Variants in BTBD9 observed in about 807,000 individuals in gnomAD.
The protein encoded by BTBD9 is BTB domain containing 9.
BTBD9 carries 49 observed loss-of-function variants against 64.3 expected under a neutral mutation model. That is an observed-to-expected ratio of 0.76 (90% CI 0.61 to 0.97). The LOEUF (loss-of-function observed/expected upper bound fraction) is 0.97. BTBD9 is among the 50% of genes least tolerant of loss of function. The pLI, the probability that BTBD9 is intolerant of heterozygous loss-of-function variation, is 0.00. For synonymous variants in BTBD9, 260 were observed against 274.7 expected (o/e 0.95, Z 0.53); for missense variants, 598 against 762.1 (o/e 0.78, Z 2.53).
chr6:38,237,308 G>C (rs988340488), intron 9 of BTBD9, among the ~76,000 whole-genome samples: 1 of 152,094 alleles, frequency 6.6e-6, no homozygotes, highest in Admixed American at 6.5e-5. Flanking sequence ...ACATAGAGAG[G>C]GGATCTATCA....
At chr6:38,530,035 G>A (rs1383234856) in intron 6 of BTBD9, among the ~76,000 whole-genome samples, 1 of 152,106 alleles carries the variant, frequency 6.6e-6, no homozygotes, top group Non-Finnish European at 1.5e-5. Flanking sequence ...TTAATACCCA[G>A]GGAAAGGAAT....
intron 7 of BTBD9, among the ~76,000 whole-genome samples, chr6:38,340,266 A>G (rs1400507736): frequency 6.6e-6 from 1 of 152,212 alleles, no homozygotes; most frequent in Admixed American, 6.5e-5. Context: ...TACAGTATCT[A>G]CACTGAGGTT....
At chr6:38,550,431 C>T (rs998065992) in intron 6 of BTBD9, among the ~76,000 whole-genome samples, 1 of 151,794 alleles carries the variant, frequency 6.6e-6, no homozygotes, top group Non-Finnish European at 1.5e-5. Context: ...ATTCTCCTGC[C>T]TCAGCCTCCC....
intron 7 of BTBD9, among the ~76,000 whole-genome samples, chr6:38,324,602 T>C (rs564519343): frequency 6.6e-6 from 1 of 152,214 alleles, no homozygotes; most frequent in East Asian, 1.9e-4. Context: ...ACAGCAGTAG[T>C]GGTGGTGAGA....
intron 6 of BTBD9, among the ~76,000 whole-genome samples, chr6:38,479,101 T>G (rs4236059): frequency 0.89 from 136,064 of 152,228 alleles, 61,296 homozygotes; most frequent in Non-Finnish European, 0.95. Context: ...AAATGGAAAC[T>G]ACAAGAACGC....
At chr6:38,275,046 C>G (rs1019284110) in intron 8 of BTBD9, among the ~76,000 whole-genome samples, 44 of 152,170 alleles carry the variant, frequency 2.9e-4, no homozygotes, top group Admixed American at 2.6e-4. Context: ...CCAAGTCAAT[C>G]CTAAGCCAAA....
intron 10 of BTBD9, among the ~76,000 whole-genome samples, chr6:38,179,001 T>G (rs879597961): frequency 1.6e-4 from 24 of 152,048 alleles, no homozygotes; most frequent in Non-Finnish European, 3.2e-4. Context: ...TACAGGCACG[T>G]GCCACCACAC....
intron 6 of BTBD9, among the ~76,000 whole-genome samples, chr6:38,530,555 G>A (rs1402192586): frequency 1.8e-5 from 2 of 108,286 alleles, no homozygotes; most frequent in African/African-American, 2.9e-5. Context: ...TTTCTCAGCT[G>A]GCCGACACTT....
chr6:38,175,111 C>T lies in BTBD9; in HGVS notation c.1713G>A (p.Ser571=), dbSNP rs554179069. The T allele has an allele frequency of 9.9e-6, 16 of 1,614,234 alleles. No homozygotes were observed. Among genetic ancestry groups the T allele is most frequent in the Middle Eastern group, 1.6e-4 (1 of 6,062 alleles). The stretch of plus-strand genomic sequence containing the variant: ...CGGCCAGGCTGGTGTCCCCTGTCCC[C>T]GATTCCTCACTATTTTCCTCCTTCT... ...SSQKEENSEE[S]GTGDTSLAGQ... is the part of the protein sequence containing the mutation. The change falls in exon 11 of 11, where the codon TCG becomes TCA. Residue 571 remains serine, a synonymous_variant. Transcript: ENST00000481247.
intron 9 of BTBD9, among the ~76,000 whole-genome samples, chr6:38,247,662 A>T (rs1274874303): frequency 6.6e-6 from 1 of 152,248 alleles, no homozygotes; most frequent in Non-Finnish European, 1.5e-5. Context: ...GGAAAGGCAG[A>T]AGAAAGTACT....
rs552980664 is a variant in BTBD9 at position 38,263,825 on chromosome 6, C to T, written c.1455-7309G>A. 3.9e-5 allele frequency among the ~76,000 whole-genome samples: 6 copies of T among 152,242 alleles called. No homozygotes were observed. In the South Asian group the frequency reaches 6.2e-4, roughly 16 times the overall value. ...ATCACTTAAATAAAGTTACCATTTG[C>T]GGCTTAACCTATCTTTACTTGGTTT... is the stretch of plus-strand genomic sequence containing the variant. On this transcript the variant is annotated intron_variant, in intron 8 of 10. Transcript: ENST00000481247.
chr6:38,434,517 G>A (rs536086816), intron 6 of BTBD9, among the ~76,000 whole-genome samples: 1 of 152,000 alleles, frequency 6.6e-6, no homozygotes, highest in South Asian at 2.1e-4. Flanking sequence ...GTATTTGATT[G>A]ATGTCTCCTG....
At chr6:38,368,475 T>C (rs1765279851) in intron 6 of BTBD9, among the ~76,000 whole-genome samples, 1 of 152,082 alleles carries the variant, frequency 6.6e-6, no homozygotes, top group East Asian at 1.9e-4. Flanking sequence ...GCTGGGATTA[T>C]AGGTGCCTGC....
Position 38,497,633 on chromosome 6 carries a change from G to A in BTBD9, c.1154+79967C>T, listed in dbSNP as rs564209609. 2.0e-5 allele frequency among the ~76,000 whole-genome samples: 3 copies of A among 152,188 alleles called. No homozygotes were observed. The South Asian group carries it at 6.2e-4, about 32-fold the overall frequency. ...AGAGAGCAGAAAAGATGAAAGGGAGGAAAAGAAAACTGAGAAGAATAAAGT... is the reference window on the plus strand; with the variant it reads ...AGAGAGCAGAAAAGATGAAAGGGAGAAAAAGAAAACTGAGAAGAATAAAGT... On this transcript the variant is annotated intron_variant, in intron 6 of 10. Coordinates refer to ENST00000481247, the MANE Select transcript of BTBD9 (RefSeq NM_001099272.2).
chr6:38,369,625 G>T (rs7750675), intron 6 of BTBD9, among the ~76,000 whole-genome samples: 4 of 152,230 alleles, frequency 2.6e-5, no homozygotes, highest in African/African-American at 4.8e-5. Flanking sequence ...AAAGATGTTT[G>T]TAATACTCAC....
chr6:38,175,019 G>A lies in BTBD9; in HGVS notation c.1805C>T (p.Ser602Phe). 1 of 1,614,092 alleles carries A rather than the reference G, an allele frequency of 6.2e-7. No homozygotes were observed. Among genetic ancestry groups the A allele is most frequent in the Non-Finnish European group, 8.5e-7 (1 of 1,180,030 alleles). Residue 602 changes from serine to phenylalanine, a missense_variant, in exon 11 of 11, where the codon TCC becomes TTC. Coordinates refer to ENST00000481247, the MANE Select transcript of BTBD9 (RefSeq NM_001099272.2). Reference protein sequence around the residue: ...SGSSLPSSPGSNSRSPNRQHQ With the variant: ...SGSSLPSSPGFNSRSPNRQHQ ...CTGCCGGTTGGGGGAGCGTGAGTTG[G>A]AGCCTGGGCTGGAGGGTAGTGAGCT...
At chr6:38,251,598 C>G (rs1050904309) in intron 9 of BTBD9, among the ~76,000 whole-genome samples, 20 of 152,100 alleles carry the variant, frequency 1.3e-4, no homozygotes, top group Admixed American at 1.2e-3. Flanking sequence ...TTTAAAACTT[C>G]TCAACTATAA....
intron 6 of BTBD9, among the ~76,000 whole-genome samples, chr6:38,387,228 T>C (rs1261768445): frequency 6.6e-6 from 1 of 152,218 alleles, no homozygotes; most frequent in Non-Finnish European, 1.5e-5. Context: ...GAGACTATAG[T>C]AAGTCTAGGA....
At chr6:38,637,485 T>A (rs1331721219) in intron 1 of BTBD9, among the ~76,000 whole-genome samples, 1 of 152,172 alleles carries the variant, frequency 6.6e-6, no homozygotes, top group Non-Finnish European at 1.5e-5. Flanking sequence ...TATTCTGAAA[T>A]CTCTTTGGTC....
Sources: gnomAD v4.1 joint callset for allele counts (sites outside exome capture counted in the v4.1 genomes callset) on GRCh38, gnomAD v4.1.1 for gene constraint, MANE v1.5 for transcripts, NCBI Gene and HGNC (gene_info 2026-07-23, HGNC 2026-07-21) for gene names.